Variants in TEK observed in about 807,000 individuals in gnomAD.
TEK encodes TEK receptor tyrosine kinase.
Under a neutral mutation model 131.8 loss-of-function variants are expected in TEK, and 43 were observed. That is an observed-to-expected ratio of 0.33 (90% CI 0.26 to 0.42). The LOEUF (loss-of-function observed/expected upper bound fraction) is 0.42. TEK is among the 10% of genes least tolerant of loss of function. The pLI is 1.00. For missense variants in TEK, 1,162 were observed against 1,384.4 expected (o/e 0.84, Z 2.55); for synonymous variants, 580 against 491.6 (o/e 1.18, Z -2.38).
intron 20 of TEK, among the ~76,000 whole-genome samples, 184 bp downstream of exon 20, chr9:27,219,001 G>A (rs138320975): frequency 0.012 from 1,776 of 143,614 alleles, 13 homozygotes; most frequent in Non-Finnish European, 0.019. Context: ...TATACCTAAC[G>A]TCATATTTAA....
rs1587067556 is a variant in TEK at position 27,229,927 on chromosome 9, G to C, written c.*695G>C. On this transcript the variant is annotated 3_prime_UTR_variant, in exon 23 of 23. Coordinates refer to ENST00000380036, the MANE Select transcript of TEK (RefSeq NM_000459.5). ...TTTAGAGAAGTATACATAAGTTTAG[G>C]ATAAAATAATGGGATTTTCTTTTCT... is the stretch of plus-strand genomic sequence containing the variant. 1 of 152,304 alleles carries C rather than the reference G, an allele frequency of 6.6e-6. No individual in the cohort carries two copies. Among genetic ancestry groups the C allele is most frequent in the South Asian group, 2.1e-4 (1 of 4,826 alleles). 9.4% of individuals were successfully genotyped at this position (152,304 alleles called of 1,614,324 possible).
At chr9:27,113,949 G>A (rs117731660) in intron 1 of TEK, among the ~76,000 whole-genome samples, 2,749 of 152,182 alleles carry the variant, frequency 0.018, 47 homozygotes, top group Non-Finnish European at 0.023. Context: ...ATTTAGAAAT[G>A]GCATCTTTCA....
chr9:27,224,530 A>G (rs1299337150), intron 21 of TEK, among the ~76,000 whole-genome samples: 3 of 152,162 alleles, frequency 2.0e-5, no homozygotes. Flanking sequence ...CAATAGATGG[A>G]GAAAAGCCTT....
chr9:27,198,564 A>C (rs1208605690), intron 12 of TEK, among the ~76,000 whole-genome samples: 1 of 152,250 alleles, frequency 6.6e-6, no homozygotes, highest in Non-Finnish European at 1.5e-5. Flanking sequence ...TGAAATTTCC[A>C]AGGTGCAGAA....
chr9:27,136,180 C>G (rs994339084), intron 1 of TEK, among the ~76,000 whole-genome samples: 3 of 151,426 alleles, frequency 2.0e-5, no homozygotes, highest in African/African-American at 7.3e-5. Context: ...ATCCCAGGTT[C>G]AGGCAATTCT....
chr9:27,201,693 G>T (rs77951967), intron 12 of TEK, among the ~76,000 whole-genome samples: 13,582 of 152,138 alleles, frequency 0.089, 641 homozygotes, highest in African/African-American at 0.1. Context: ...ATAATGAAAA[G>T]AAGAAATTTA....
rs746596891 is a variant in TEK, at chr9:27,229,706, A to G, written c.*474A>G. 5.8e-6 allele frequency: 1 copy of G among 172,910 alleles called. No individual in the cohort carries two copies. Among genetic ancestry groups the G allele is most frequent in the Non-Finnish European group, 1.3e-5 (1 of 79,282 alleles). The allele number at this position is 172,910 out of a possible 1,614,324, so 10.7% of individuals were successfully genotyped here. Reference sequence around the variant, plus strand: ...GAATTCTAACAAGTCATAGGTTAATATTTAAGACACTGAAAAATCTAAGTG... The same window carrying G: ...GAATTCTAACAAGTCATAGGTTAATGTTTAAGACACTGAAAAATCTAAGTG... On this transcript the variant is annotated 3_prime_UTR_variant, in exon 23 of 23. Coordinates refer to ENST00000380036, the MANE Select transcript of TEK (RefSeq NM_000459.5).
chr9:27,121,440 T>G (rs374100944), intron 1 of TEK, among the ~76,000 whole-genome samples: 6 of 150,668 alleles, frequency 4.0e-5, no homozygotes, highest in East Asian at 3.9e-4. Context: ...TGTATATATA[T>G]TTCATAAATA....
chr9:27,136,761 C>T (rs1436840363), intron 1 of TEK, among the ~76,000 whole-genome samples: 1 of 152,104 alleles, frequency 6.6e-6, no homozygotes, highest in African/African-American at 2.4e-5. Context: ...ATTGCTTGGC[C>T]ATTCTTTTTT....
intron 1 of TEK, among the ~76,000 whole-genome samples, chr9:27,123,358 G>A (rs1395887649): frequency 6.6e-6 from 1 of 152,142 alleles, no homozygotes; most frequent in Non-Finnish European, 1.5e-5. Flanking sequence ...AAGGATATGC[G>A]GGGGTGTAAA....
intron 3 of TEK, among the ~76,000 whole-genome samples, chr9:27,168,939 A>G (rs528748746): frequency 3.3e-5 from 5 of 152,342 alleles, no homozygotes; most frequent in Admixed American, 3.3e-4. Context: ...GGAAATTACC[A>G]CAGTAAACAT....
Position 27,173,205 on chromosome 9 carries a change from T to G in TEK, c.761-17T>G. The stretch of plus-strand genomic sequence containing the variant: ...TGCATATTTGACTCTGAATCATCTT[T>G]TCTTTTCCTCCCAAAGCTTGTGAAC... On this transcript the variant is annotated splice_polypyrimidine_tract_variant and intron_variant, in intron 5 of 22. Transcript: ENST00000380036. 1 of 1,613,918 alleles carries G rather than the reference T, an allele frequency of 6.2e-7. No homozygotes were observed. Among genetic ancestry groups the G allele is most frequent in the Non-Finnish European group, 8.5e-7 (1 of 1,179,874 alleles).
Position 27,229,291 on chromosome 9 carries a change from C to T in TEK, c.*59C>T. On this transcript the variant is annotated 3_prime_UTR_variant, in exon 23 of 23. Transcript: ENST00000380036. ...CACTGGCATGGGAGACCCTTGACACCTGCTGAGAAAACATGCCTCTGCCAA... is the reference window on the plus strand; with the variant it reads ...CACTGGCATGGGAGACCCTTGACACTTGCTGAGAAAACATGCCTCTGCCAA... 6.5e-7 allele frequency: 1 copy of T among 1,534,720 alleles called. No individual in the cohort carries two copies. The highest frequency in any genetic ancestry group is 9.0e-7 in the Non-Finnish European group (1 of 1,108,118).
At chr9:27,121,495 A>G (rs946598237) in intron 1 of TEK, among the ~76,000 whole-genome samples, 4 of 149,010 alleles carry the variant, frequency 2.7e-5, no homozygotes, top group Admixed American at 1.3e-4. Flanking sequence ...ATTTATATAC[A>G]TATTTTATTT....
intron 6 of TEK, among the ~76,000 whole-genome samples, chr9:27,175,113 A>C: frequency 7.5e-6 from 1 of 132,952 alleles, no homozygotes; most frequent in East Asian, 2.2e-4. Flanking sequence ...CATTAGGTAT[A>C]TCTCCTAATG....
At chr9:27,210,919 C>G (rs1316353743) in intron 16 of TEK, among the ~76,000 whole-genome samples, 1 of 151,986 alleles carries the variant, frequency 6.6e-6, no homozygotes, top group Non-Finnish European at 1.5e-5. Flanking sequence ...GATGTCGAGA[C>G]CATCCTGGCC....
intron 1 of TEK, among the ~76,000 whole-genome samples, chr9:27,129,417 TC>T (rs977360422): frequency 3.9e-5 from 6 of 152,152 alleles, no homozygotes; most frequent in African/African-American, 1.4e-4. Flanking sequence ...CTCTTTCTCT[TC>T]TCTTCCACAG....
chr9:27,156,755 A>T (rs1823346520), intron 1 of TEK, among the ~76,000 whole-genome samples: 1 of 152,162 alleles, frequency 6.6e-6, no homozygotes, highest in African/African-American at 2.4e-5. Flanking sequence ...CAATAAGATA[A>T]CATGTAGCTT....
chr9:27,191,456 T>C, intron 10 of TEK, among the ~76,000 whole-genome samples: 1 of 152,192 alleles, frequency 6.6e-6, no homozygotes, highest in Non-Finnish European at 1.5e-5. Context: ...AATTGGACTA[T>C]TCTGTAAAAA....
Sources: allele counts gnomAD v4.1 joint callset (sites outside exome capture counted in the v4.1 genomes callset), GRCh38; gene constraint gnomAD v4.1.1; transcripts MANE v1.5; gene names NCBI Gene and HGNC (gene_info 2026-07-23, HGNC 2026-07-21).